KLHL31: variants seen among roughly 807,000 people sequenced by gnomAD.
The protein encoded by KLHL31 is kelch-like protein 31.
Under a neutral mutation model 47.1 loss-of-function variants are expected in KLHL31, and 32 were observed. That is an observed-to-expected ratio of 0.68 (90% CI 0.51 to 0.91). The LOEUF is 0.91. Among genes scored for constraint, KLHL31 ranks in the 40% least tolerant of loss-of-function variants. KLHL31 has a pLI of 0.00. For missense variants in KLHL31, 797 were observed against 819.3 expected, an observed-to-expected ratio of 0.97 and a Z score of 0.33; for synonymous variants, 330 against 325.1, an observed-to-expected ratio of 1.01 and a Z score of -0.16.
rs754299108 is a variant in KLHL31 at position 53,654,395 on chromosome 6, T to C, written c.878A>G (p.Asn293Ser). The C allele has an allele frequency of 6.2e-7, 1 of 1,614,230 alleles. No homozygotes were observed. The highest frequency in any genetic ancestry group is 8.5e-7 in the Non-Finnish European group (1 of 1,180,040). ...DCHRLLVDAM[N>S]YHLLPYHQNT... ...TTGATGATATGGAAGCAAGTGGTAG[T>C]TCATAGCATCTACGAGAAGTCTGTG... The change falls in exon 2 of 3, where the codon AAC becomes AGC. Residue 293 changes from asparagine to serine, a missense_variant. Physicochemically the swap from Asn to Ser is conservative, Grantham distance 46. Coordinates refer to ENST00000370905, the MANE Select transcript of KLHL31 (RefSeq NM_001003760.5).
Position 53,654,560 on chromosome 6 carries a change from A to T in KLHL31, c.713T>A (p.Met238Lys), listed in dbSNP as rs149644917. Reference sequence around the variant, plus strand: ...CTTTTGGTCAAATTCTAACCATTTCATTGCAATCTGGAATGCTACTATCTC... The same window carrying T: ...CTTTTGGTCAAATTCTAACCATTTCTTTGCAATCTGGAATGCTACTATCTC... ...PSEIVAFQIA[M>K]KWLEFDQKRV... The change falls in exon 2 of 3, where the codon ATG (methionine) becomes AAG (lysine). Residue 238 changes from methionine to lysine, a missense_variant. Transcript: ENST00000370905. 1.9e-6 allele frequency: 3 copies of T among 1,614,172 alleles called. No homozygotes were observed. The highest frequency in any genetic ancestry group is 2.5e-6 in the Non-Finnish European group (3 of 1,180,004).
chr6:53,649,869 G>T lies in KLHL31; in HGVS notation c.*1729C>A, dbSNP rs1408587228. ...GTAAAAGATTCTTTGTGTGGGATAA[G>T]GAAACAGCCCAGCGCTTTTACATTA... On this transcript the variant is annotated 3_prime_UTR_variant, in exon 3 of 3. Transcript: ENST00000370905. 1 of 152,156 alleles carries T rather than the reference G, an allele frequency of 6.6e-6. No homozygotes were observed. Among genetic ancestry groups the T allele is most frequent in the African/African-American group, 2.4e-5 (1 of 41,428 alleles). The allele number at this position is 152,156 out of a possible 1,614,324, so 9.4% of individuals were successfully genotyped here.
Position 53,664,732 on chromosome 6 carries a change from C to T in KLHL31, c.-34+869G>A, listed in dbSNP as rs544789144. Among the ~76,000 whole-genome samples, 257 of 152,318 alleles carry T rather than the reference C, an allele frequency of 1.7e-3. 3 individuals carry two copies. The highest frequency in any genetic ancestry group is 6.0e-3 in the African/African-American group (249 of 41,578). On this transcript the variant is annotated intron_variant, in intron 1 of 2. Transcript: ENST00000370905. The stretch of plus-strand genomic sequence containing the variant: ...GCCATGTGTGCTAAAGTGTCACTGT[C>T]ACTCTCATGCCAGTATGAACTGGGA...
chr6:53,662,011 A>G (rs1012064572), intron 1 of KLHL31, among the ~76,000 whole-genome samples: 6 of 150,774 alleles, frequency 4.0e-5, no homozygotes, highest in Non-Finnish European at 1.5e-5. Context: ...TTTTTAACGG[A>G]GTGAAGGTCT....
rs1040994642 is a variant in KLHL31, at chr6:53,651,925, G to T, written c.1578C>A (p.Arg526=). ...YVMGGSQLGP[R]GERVDVLTVE... is the part of the protein sequence containing the mutation. ...CGGTGAGCACGTCCACGCGCTCCCCGCGCGGCCCCAGCTGGCTGCCGCCCA... is the reference window on the plus strand; with the variant it reads ...CGGTGAGCACGTCCACGCGCTCCCCTCGCGGCCCCAGCTGGCTGCCGCCCA... Residue 526 remains arginine, a synonymous_variant, in exon 3 of 3, where the codon CGC becomes CGA. Coordinates refer to ENST00000370905, the MANE Select transcript of KLHL31 (RefSeq NM_001003760.5). 1.3e-6 allele frequency: 2 copies of T among 1,588,826 alleles called. No individual in the cohort carries two copies. The highest frequency in any genetic ancestry group is 1.7e-6 in the Non-Finnish European group (2 of 1,174,026).
chr6:53,656,527 AT>A (rs1764563151), intron 1 of KLHL31, among the ~76,000 whole-genome samples: 1 of 152,028 alleles, frequency 6.6e-6, no homozygotes, highest in Non-Finnish European at 1.5e-5. Context: ...TATACAGTAT[AT>A]ATGTGTGTGC....
intron 1 of KLHL31, among the ~76,000 whole-genome samples, chr6:53,655,594 C>CTTTTTTCT: frequency 1.5e-5 from 2 of 130,550 alleles, no homozygotes; most frequent in East Asian, 2.3e-4. Flanking sequence ...TTCTTTCTTT[C>CTTTTTTCT]TTTTTTCTTT....
At chr6:53,660,998 T>C (rs1278965776) in intron 1 of KLHL31, among the ~76,000 whole-genome samples, 1 of 152,202 alleles carries the variant, frequency 6.6e-6, no homozygotes, top group Non-Finnish European at 1.5e-5. Context: ...GTCTGTGCCA[T>C]GTTCCTCCAA....
chr6:53,654,483 A>G lies in KLHL31; in HGVS notation c.790T>C (p.Ser264Pro), dbSNP rs1321406093. Residue 264 changes from serine (S) to proline (P), a missense_variant, in exon 2 of 3, where the codon TCT becomes CCT. By Grantham distance (74) the Ser-to-Pro change is moderately conservative (BLOSUM62 -1). Transcript: ENST00000370905. Reference sequence around the variant, plus strand: ...ACATAATTGACCAGGTCTTGTGCAGAGATGGTACCAAAGCGAATATTGCTC... The same window carrying G: ...ACATAATTGACCAGGTCTTGTGCAGGGATGGTACCAAAGCGAATATTGCTC... ...LLSNIRFGTI[S>P]AQDLVNYVQS... The G allele has an allele frequency of 6.2e-7, 1 of 1,614,198 alleles. No homozygotes were observed. Among genetic ancestry groups the G allele is most frequent in the Non-Finnish European group, 8.5e-7 (1 of 1,180,038 alleles).
In KLHL31 at chr6:53,651,724, C is replaced by T; in HGVS notation, c.1779G>A (p.Glu593=). ...CGGGTAGCTCGTCGTCCTCCGTCCA[C>T]TCGTTGAGCTCGGGGCTGAAGCACT... The part of the protein sequence containing the change: ...CIQCFSPELN[E]WTEDDELPEA... Residue 593 remains glutamate (E), a synonymous_variant, in exon 3 of 3, where the codon GAG becomes GAA. Transcript: ENST00000370905. 9 of 1,614,232 alleles carry T rather than the reference C, an allele frequency of 5.6e-6. No homozygotes were observed. Among genetic ancestry groups the T allele is most frequent in the East Asian group, 2.2e-5 (1 of 44,878 alleles).
rs919769942 is a variant in KLHL31 at position 53,650,142 on chromosome 6, T to A, written c.*1456A>T. 6.6e-6 allele frequency: 1 copy of A among 152,242 alleles called. No homozygotes were observed. Among genetic ancestry groups the A allele is most frequent in the Non-Finnish European group, 1.5e-5 (1 of 68,038 alleles). 9.4% of individuals were successfully genotyped at this position (152,242 alleles called of 1,614,324 possible). A position where few individuals can be genotyped will look rare whatever the true frequency, so the allele number is the denominator to read the frequency against. ...CCAAATTATATTTCCATATATCTCATGTTCAATTCCTAAATAGCTTGTTTT... is the reference window on the plus strand; with the variant it reads ...CCAAATTATATTTCCATATATCTCAAGTTCAATTCCTAAATAGCTTGTTTT... On this transcript the variant is annotated 3_prime_UTR_variant, in exon 3 of 3. Coordinates refer to ENST00000370905, the MANE Select transcript of KLHL31 (RefSeq NM_001003760.5).
At position 53,648,241 on chromosome 6, in the gene KLHL31, T is replaced by G. The variant is rs1764421504; in HGVS notation, c.*3357A>C. The G allele has an allele frequency of 6.6e-6, 1 of 152,460 alleles. No individual in the cohort carries two copies. Among genetic ancestry groups the G allele is most frequent in the Non-Finnish European group, 1.5e-5 (1 of 68,014 alleles). 9.4% of individuals were successfully genotyped at this position (152,460 alleles called of 1,614,324 possible). On this transcript the variant is annotated 3_prime_UTR_variant, in exon 3 of 3. Coordinates refer to ENST00000370905, the MANE Select transcript of KLHL31 (RefSeq NM_001003760.5). Reference sequence around the variant, plus strand: ...AAATTATTCTGTAGGTTTTTTGGCATGAAAAGAAATACTGAAAAGTATTTC... The same window carrying G: ...AAATTATTCTGTAGGTTTTTTGGCAGGAAAAGAAATACTGAAAAGTATTTC...
At chr6:53,652,528 T>C (rs1764492460) in intron 2 of KLHL31, 198 bp from the exon 3 acceptor site, 3 of 638,494 alleles carry the variant, frequency 4.7e-6, no homozygotes, top group Non-Finnish European at 8.1e-6. Context: ...AAAGCAGGCA[T>C]TGACCACCCC....
chr6:53,661,226 A>G (rs1302489741), intron 1 of KLHL31, among the ~76,000 whole-genome samples: 4 of 152,214 alleles, frequency 2.6e-5, no homozygotes, highest in African/African-American at 9.7e-5. Flanking sequence ...TCAATAAGCC[A>G]CATCTTATGC....
chr6:53,652,739 C>T (rs965790859), intron 2 of KLHL31, among the ~76,000 whole-genome samples: 1 of 152,178 alleles, frequency 6.6e-6, no homozygotes, highest in Non-Finnish European at 1.5e-5. Flanking sequence ...CAGAGAAGGG[C>T]ATCGCCATAT....
chr6:53,655,601 CT>C (rs1561985056), intron 1 of KLHL31, among the ~76,000 whole-genome samples: 2 of 100,524 alleles, frequency 2.0e-5, no homozygotes, highest in Non-Finnish European at 3.6e-5. Flanking sequence ...TTTCTTTTTT[CT>C]TTTTTTCTTT....
chr6:53,662,151 C>A (rs77985073), intron 1 of KLHL31, among the ~76,000 whole-genome samples: 8,077 of 152,138 alleles, frequency 0.053, 288 homozygotes, highest in East Asian at 0.091. Flanking sequence ...TCTGCATGGC[C>A]AGGCATGCAT....
In KLHL31 at chr6:53,652,271, T is replaced by G; in HGVS notation, c.1232A>C (p.His411Pro). The G allele has an allele frequency of 6.2e-7, 1 of 1,614,188 alleles. No homozygotes were observed. Residue 411 changes from histidine (H) to proline (P), a missense_variant, in exon 3 of 3, where the codon CAC becomes CCC. Transcript: ENST00000370905. ...CCCGTTGAACACGCTCAGGCTGAAG[T>G]GCGTGCGCTTCTGGTTCATGCTGGC... ...HLASMNQKRT[H>P]FSLSVFNGLV...
chr6:53,656,931 C>CTTTTTTTTTTTTTTTTTTTTT (rs10665063), intron 1 of KLHL31, among the ~76,000 whole-genome samples: 1 of 98,428 alleles, frequency 1.0e-5, no homozygotes, highest in Non-Finnish European at 1.9e-5. Context: ...GTATTTTTAA[C>CTTTTTTTTTTTTTTTTTTTTT]TTTTTTTTTT....
Sources: gnomAD v4.1 joint callset for allele counts (sites outside exome capture counted in the v4.1 genomes callset) on GRCh38, gnomAD v4.1.1 for gene constraint, MANE v1.5 for transcripts, NCBI Gene and HGNC (gene_info 2026-07-23, HGNC 2026-07-21) for gene names.